Variants in ADAM12 observed in about 807,000 individuals in gnomAD.
The protein encoded by ADAM12 is ADAM metallopeptidase domain 12.
In ADAM12, 70 loss-of-function variants were observed where a neutral mutation model predicts 106.4. That is an observed-to-expected ratio of 0.66 (90% CI 0.54 to 0.80). The LOEUF (loss-of-function observed/expected upper bound fraction) is 0.80. ADAM12 is among the 30% of genes least tolerant of loss of function. The probability of loss-of-function intolerance (pLI) is 0.00; values close to 1 mark genes in which losing one functional copy is unlikely to be tolerated. For missense variants in ADAM12, 1,010 were observed against 1,171.9 expected (o/e 0.86, Z 2.02); for synonymous variants, 420 against 433.5 (o/e 0.97, Z 0.39).
intron 14 of ADAM12, among the ~76,000 whole-genome samples, chr10:126,058,212 C>G (rs539761293): frequency 7.9e-5 from 12 of 152,316 alleles, no homozygotes; most frequent in African/African-American, 2.6e-4. Flanking sequence ...TCCTGAGAGG[C>G]CCCAGGGCTC....
At chr10:126,367,396 T>G (rs1431440913) in intron 1 of ADAM12, among the ~76,000 whole-genome samples, 1 of 151,846 alleles carries the variant, frequency 6.6e-6, no homozygotes, top group Non-Finnish European at 1.5e-5. Context: ...CTATACAAAT[T>G]TGTAATATTC....
intron 21 of ADAM12, among the ~76,000 whole-genome samples, chr10:126,027,566 T>C (rs1432079521): frequency 6.6e-6 from 1 of 152,178 alleles, no homozygotes; most frequent in African/African-American, 2.4e-5. Context: ...GTTCGGGATA[T>C]GCAAATCAAT....
chr10:126,280,480 G>A (rs1365874862), intron 2 of ADAM12, among the ~76,000 whole-genome samples: 1 of 152,212 alleles, frequency 6.6e-6, no homozygotes, highest in South Asian at 2.1e-4. Context: ...TGGTGTGACA[G>A]GTGGCTACCA....
intron 2 of ADAM12, among the ~76,000 whole-genome samples, chr10:126,317,559 T>G (rs572871264): frequency 6.6e-6 from 1 of 152,320 alleles, no homozygotes; most frequent in South Asian, 2.1e-4. Context: ...ATGCAAGGAA[T>G]GTGAAATACC....
At chr10:126,140,016 G>A (rs554521418) in intron 4 of ADAM12, among the ~76,000 whole-genome samples, 55 of 152,260 alleles carry the variant, frequency 3.6e-4, no homozygotes, top group Non-Finnish European at 5.7e-4. Flanking sequence ...TTCCCAGGCC[G>A]GGCTTCCCTG....
At chr10:126,153,133 T>C (rs944416250) in intron 4 of ADAM12, among the ~76,000 whole-genome samples, 1 of 152,222 alleles carries the variant, frequency 6.6e-6, no homozygotes, top group Admixed American at 6.5e-5. Context: ...AGGGTAGTAA[T>C]TTCTCTCATC....
chr10:126,366,277 T>G (rs1412028793), intron 1 of ADAM12, among the ~76,000 whole-genome samples: 1 of 152,082 alleles, frequency 6.6e-6, no homozygotes, highest in Non-Finnish European at 1.5e-5. Flanking sequence ...ATAATTTAAA[T>G]ACAAAAAATA....
At chr10:126,365,056 G>A (rs910821557) in intron 1 of ADAM12, among the ~76,000 whole-genome samples, 1 of 152,158 alleles carries the variant, frequency 6.6e-6, no homozygotes, top group African/African-American at 2.4e-5. Context: ...TTTGCCATAT[G>A]TTAAGGGATA....
chr10:126,086,701 AT>A, intron 11 of ADAM12, among the ~76,000 whole-genome samples: 2 of 99,770 alleles, frequency 2.0e-5, no homozygotes, highest in Admixed American at 1.2e-4. Flanking sequence ...ATATATATAT[AT>A]ATATAAAATA....
rs969528984 is a variant in ADAM12, at chr10:126,049,752, G to A, written c.1610-83C>T. ...GGCTGTAGGCCTCTCAAATGGTTAC[G>A]GGGAGACGTGCTCAAAGCAATCACA... On this transcript the variant is annotated intron_variant, in intron 14 of 22. Transcript: ENST00000448723. The surrounding 1 kb of genome is among the most constrained non-coding windows in gnomAD (Gnocchi z 4.4). 51 of 1,213,896 alleles carry A rather than the reference G, an allele frequency of 4.2e-5. No homozygotes were observed. In the African/African-American group the frequency reaches 4.6e-4, roughly 11 times the overall value. The allele number at this position is 1,213,896 out of a possible 1,614,324, so 75.2% of individuals were successfully genotyped here.
At position 126,073,980 on chromosome 10, in the gene ADAM12, A is replaced by C. The variant is rs114366207; in HGVS notation, c.1146-2326T>G. Among the ~76,000 whole-genome samples, 379 of 152,250 alleles carry C rather than the reference A, an allele frequency of 2.5e-3. 1 individual carries two copies. Among genetic ancestry groups the C allele is most frequent in the African/African-American group, 8.8e-3 (366 of 41,568 alleles). Reference sequence around the variant, plus strand: ...CTTAAGAGCAGTTCTTCTCTTTGCAAAAAGAAAGAAAGAAAGAAATAAAAA... The same window carrying C: ...CTTAAGAGCAGTTCTTCTCTTTGCACAAAGAAAGAAAGAAAGAAATAAAAA... On this transcript the variant is annotated intron_variant, in intron 11 of 22. Coordinates refer to ENST00000448723, the MANE Select transcript of ADAM12 (RefSeq NM_001288973.2).
chr10:126,044,534 G>A (rs1954263806), intron 17 of ADAM12, among the ~76,000 whole-genome samples: 1 of 152,190 alleles, frequency 6.6e-6, no homozygotes, highest in South Asian at 2.1e-4. Context: ...GGAAGTCGAT[G>A]CACAATGACA....
intron 1 of ADAM12, among the ~76,000 whole-genome samples, chr10:126,377,328 T>C (rs1272000695): frequency 6.6e-6 from 1 of 152,196 alleles, no homozygotes; most frequent in Non-Finnish European, 1.5e-5. Context: ...CAATAGGCTG[T>C]CTGCAAGCTG....
In ADAM12 at chr10:126,043,555, G is replaced by A. The variant is rs149758738; in HGVS notation, c.1996-407C>T. Among the ~76,000 whole-genome samples the A allele has an allele frequency of 8.4e-3, 1,286 of 152,290 alleles. 17 individuals are homozygous for A. Among genetic ancestry groups the A allele is most frequent in the African/African-American group, 0.03 (1,229 of 41,570 alleles). On this transcript the variant is annotated intron_variant, in intron 17 of 22. Transcript: ENST00000448723. The surrounding 1 kb of genome is among the most constrained non-coding windows in gnomAD (Gnocchi z 4.1). ...GACCCAGAGCCCTGGGGCACCGCGG[G>A]ACCTGACAGATGCTTGGCGCATCCC...
At chr10:126,301,643 G>C (rs1302712114) in intron 2 of ADAM12, among the ~76,000 whole-genome samples, 1 of 152,138 alleles carries the variant, frequency 6.6e-6, no homozygotes, top group African/African-American at 2.4e-5. Flanking sequence ...GTATTTATAG[G>C]AGGTCAAGAC....
At chr10:126,129,463 G>A (rs895569492) in intron 5 of ADAM12, among the ~76,000 whole-genome samples, 1 of 152,180 alleles carries the variant, frequency 6.6e-6, no homozygotes. Flanking sequence ...TGGGCCAGGA[G>A]CTGGATTCTC....
In ADAM12 at chr10:126,216,642, G is replaced by C. The variant is rs145933394; in HGVS notation, c.261-61337C>G. 2.4e-3 allele frequency among the ~76,000 whole-genome samples: 359 copies of C among 152,334 alleles called. 2 individuals are homozygous for C. Among genetic ancestry groups the C allele is most frequent in the African/African-American group, 8.3e-3 (344 of 41,580 alleles). The stretch of plus-strand genomic sequence containing the variant: ...TGAAACGCATCACACTGCTTCAAAT[G>C]TTCCTTCCGACGCATCCTTTATTAA... On this transcript the variant is annotated intron_variant, in intron 3 of 22. Coordinates refer to ENST00000448723, the MANE Select transcript of ADAM12 (RefSeq NM_001288973.2).
chr10:126,174,783 C>T (rs1308292274), intron 3 of ADAM12, among the ~76,000 whole-genome samples: 2 of 150,364 alleles, frequency 1.3e-5, no homozygotes, highest in East Asian at 4.0e-4. Flanking sequence ...GACTGAGTCT[C>T]ACTCTGTCAC....
At chr10:126,119,868 C>A (rs1469302335) in intron 5 of ADAM12, among the ~76,000 whole-genome samples, 1 of 152,176 alleles carries the variant, frequency 6.6e-6, no homozygotes, top group African/African-American at 2.4e-5. Context: ...GTTTTCATTT[C>A]TCTCTTTGCT....
Sources: gnomAD v4.1 joint callset for allele counts (sites outside exome capture counted in the v4.1 genomes callset) on GRCh38, gnomAD v4.1.1 for gene constraint, Gnocchi (gnomAD v3.1) non-coding constraint, MANE v1.5 for transcripts, NCBI Gene and HGNC (gene_info 2026-07-23, HGNC 2026-07-21) for gene names.